EPB41L4A: variants seen among roughly 807,000 people sequenced by gnomAD.
EPB41L4A encodes the protein band 4.1-like protein 4A.
Under a neutral mutation model 108.6 loss-of-function variants are expected in EPB41L4A, and 100 were observed. The ratio of observed to expected loss-of-function variants is 0.92; its 90% CI spans 0.78 to 1.09. The LOEUF is 1.09. EPB41L4A is among the 50% of genes least tolerant of loss of function. The pLI is 0.00. For synonymous variants in EPB41L4A, 319 were observed against 289.0 expected, an observed-to-expected ratio of 1.10 and a Z score of -1.05; for missense variants, 1,030 against 842.7, an observed-to-expected ratio of 1.22 and a Z score of -2.75.
intron 7 of EPB41L4A, 66 bp from the exon 8 acceptor site, chr5:112,260,045 G>A (rs1751390976): frequency 8.6e-7 from 1 of 1,168,088 alleles, no homozygotes; most frequent in African/African-American, 1.5e-5. Context: ...AACTATAATT[G>A]ACCATACAAA....
At chr5:112,184,679 A>G (rs531024725) in intron 17 of EPB41L4A, among the ~76,000 whole-genome samples, 1 of 152,318 alleles carries the variant, frequency 6.6e-6, no homozygotes, top group South Asian at 2.1e-4. Context: ...AAGACACACC[A>G]TTCCCATCAT....
At chr5:112,194,500 T>A in intron 17 of EPB41L4A, 68 bp downstream of exon 17, 1 of 900,154 alleles carries the variant, frequency 1.1e-6, no homozygotes, top group Non-Finnish European at 1.7e-6. Flanking sequence ...CAAAGGACAC[T>A]CAGTTTCTAC....
intron 15 of EPB41L4A, 27 bp from the exon 16 acceptor site, chr5:112,195,735 GA>G (rs1427148841): frequency 1.3e-6 from 2 of 1,597,848 alleles, no homozygotes; most frequent in Non-Finnish European, 1.7e-6. Flanking sequence ...AGACATTTAA[GA>G]AAACAGGAGA....
Position 112,163,528 on chromosome 5 carries a change from G to A in EPB41L4A, c.*1462C>T, listed in dbSNP as rs775749147. On this transcript the variant is annotated 3_prime_UTR_variant, in exon 23 of 23. Transcript: ENST00000261486. The stretch of plus-strand genomic sequence containing the variant: ...GATAAGCCAGAAAGGATGGTCAGTG[G>A]TAGGAGCAAAATAGGATTATATTAA... 6.6e-6 allele frequency: 1 copy of A among 152,200 alleles called. No individual in the cohort carries two copies. The highest frequency in any genetic ancestry group is 2.1e-4 in the South Asian group (1 of 4,826). 9.4% of individuals were successfully genotyped at this position (152,200 alleles called of 1,614,324 possible). A position where few individuals can be genotyped will look rare whatever the true frequency, so the allele number is the denominator to read the frequency against.
At chr5:112,262,369 CAG>C (rs1491005261) in intron 7 of EPB41L4A, 123 bp downstream of exon 7, 2 of 751,812 alleles carry the variant, frequency 2.7e-6, no homozygotes, top group East Asian at 5.0e-5. Context: ...GTTAGAAAAA[CAG>C]ATAAAAAAGT....
At chr5:112,146,735 C>T (rs1759274195) in intron 12 of EPB41L4A, among the ~76,000 whole-genome samples, 1 of 152,166 alleles carries the variant, frequency 6.6e-6, no homozygotes, top group African/African-American at 2.4e-5. Flanking sequence ...TAATTTAACC[C>T]TCGTTGCTAC....
rs78268966 is a variant in EPB41L4A, at chr5:112,265,033, A to T, written c.434-17T>A. On this transcript the variant is annotated splice_polypyrimidine_tract_variant and intron_variant, in intron 5 of 22. Transcript: ENST00000261486. ...CAAGCTCCGCTAAAAAAGAAAGATA[A>T]CATAGTTTTTTCCATTTTAGGAAAA... 16,619 of 1,547,084 alleles carry T rather than the reference A, an allele frequency of 0.011. 230 individuals are homozygous for T. The highest frequency in any genetic ancestry group is 0.069 in the African/African-American group (4,950 of 71,786).
intron 1 of EPB41L4A, among the ~76,000 whole-genome samples, chr5:112,359,417 CT>C (rs1758567940): frequency 6.6e-6 from 1 of 152,208 alleles, no homozygotes; most frequent in South Asian, 2.1e-4. Flanking sequence ...AAAGCTTTTT[CT>C]TCCTAATGCT....
chr5:112,161,181 G>C (rs1029981661), downstream of EPB41L4A: 2 of 244,580 alleles, frequency 8.2e-6, no homozygotes, highest in Non-Finnish European at 1.7e-5. Context: ...AGGCCTTACC[G>C]TATAACTGAC....
intron 12 of EPB41L4A, among the ~76,000 whole-genome samples, chr5:112,213,042 G>A (rs552988303): frequency 1.3e-5 from 2 of 152,068 alleles, no homozygotes; most frequent in Non-Finnish European, 2.9e-5. Flanking sequence ...GCAATATTTG[G>A]TTTTTCACAA....
At chr5:112,212,531 G>A (rs1014559338) in intron 12 of EPB41L4A, among the ~76,000 whole-genome samples, 1 of 152,180 alleles carries the variant, frequency 6.6e-6, no homozygotes, top group African/African-American at 2.4e-5. Context: ...CTGACCTCAA[G>A]TGATCCACCC....
At chr5:112,230,128 T>G (rs897173055) in intron 12 of EPB41L4A, among the ~76,000 whole-genome samples, 1 of 152,212 alleles carries the variant, frequency 6.6e-6, no homozygotes, top group Non-Finnish European at 1.5e-5. Flanking sequence ...ATCCACTTGT[T>G]GGCTGATGGG....
At chr5:112,192,055 T>C (rs1448286032) in intron 17 of EPB41L4A, 2 of 152,246 alleles carry the variant, frequency 1.3e-5, no homozygotes, top group African/African-American at 4.8e-5. Flanking sequence ...ACTGGCTGGA[T>C]CACACTGTCA....
chr5:112,405,600 A>C (rs1342227053), intron 1 of EPB41L4A, among the ~76,000 whole-genome samples: 2 of 152,196 alleles, frequency 1.3e-5, no homozygotes, highest in African/African-American at 4.8e-5. Flanking sequence ...TAATACATAC[A>C]TTACATTACC....
intron 1 of EPB41L4A, among the ~76,000 whole-genome samples, chr5:112,354,672 AG>A (rs1758260945): frequency 6.6e-6 from 1 of 152,218 alleles, no homozygotes; most frequent in South Asian, 2.1e-4. Context: ...AACACCATCC[AG>A]AAAAGATTTT....
At chr5:112,309,854 GCTAT>G (rs768161683) in intron 1 of EPB41L4A, among the ~76,000 whole-genome samples, 13 of 152,154 alleles carry the variant, frequency 8.5e-5, no homozygotes, top group Non-Finnish European at 1.5e-4. Context: ...GATGAAGGGG[GCTAT>G]CTGAGAAGAA....
At chr5:112,144,904 G>A (rs1438964556) in intron 13 of EPB41L4A, among the ~76,000 whole-genome samples, 2 of 152,202 alleles carry the variant, frequency 1.3e-5, no homozygotes, top group African/African-American at 4.8e-5. Context: ...GCCTGCAGGA[G>A]AAGAGGGAGG....
intron 12 of EPB41L4A, among the ~76,000 whole-genome samples, chr5:112,224,809 C>T (rs1045858747): frequency 4.6e-5 from 7 of 152,208 alleles, no homozygotes; most frequent in Admixed American, 3.3e-4. Context: ...TGGTCTAATT[C>T]TGATCTGTGC....
At chr5:112,187,446 G>A (rs1463302587) in intron 17 of EPB41L4A, among the ~76,000 whole-genome samples, 4 of 152,132 alleles carry the variant, frequency 2.6e-5, no homozygotes, top group Admixed American at 2.6e-4. Flanking sequence ...GAATTCTAAT[G>A]TATTTCTTCC....
Sources: allele counts gnomAD v4.1 joint callset (sites outside exome capture counted in the v4.1 genomes callset), GRCh38; gene constraint gnomAD v4.1.1; transcripts MANE v1.5; gene names NCBI Gene and HGNC (gene_info 2026-07-23, HGNC 2026-07-21).